Variants in FGF14 observed in about 807,000 individuals in gnomAD.
FGF14 encodes the protein fibroblast growth factor 14, also known as fibroblast growth factor homologous factor 4.
In FGF14, 5 loss-of-function variants were observed where a neutral mutation model predicts 25.5. The observed-to-expected ratio is 0.20, with a 90% CI of 0.10 to 0.41. The LOEUF is 0.41. FGF14 is among the 10% of genes least tolerant of loss of function. The probability of loss-of-function intolerance (pLI) is 1.00; values close to 1 mark genes in which losing one functional copy is unlikely to be tolerated. For missense variants in FGF14, 222 were observed against 320.1 expected (o/e 0.69, Z 2.34); for synonymous variants, 138 against 118.3 (o/e 1.17, Z -1.08).
At chr13:102,215,937 A>G (rs1393857187) in intron 1 of FGF14, among the ~76,000 whole-genome samples, 1 of 152,178 alleles carries the variant, frequency 6.6e-6, no homozygotes, top group African/African-American at 2.4e-5. Flanking sequence ...ATGGAGTGAG[A>G]GAAAGAAAAG....
intron 1 of FGF14, among the ~76,000 whole-genome samples, chr13:102,084,655 A>G (rs1291604023): frequency 6.6e-6 from 1 of 152,130 alleles, no homozygotes; most frequent in Non-Finnish European, 1.5e-5. Flanking sequence ...AAAGGAAGCA[A>G]GTTGTTGAGG....
intron 3 of FGF14, among the ~76,000 whole-genome samples, chr13:101,769,186 C>T (rs997101332): frequency 2.0e-5 from 3 of 152,022 alleles, no homozygotes; most frequent in African/African-American, 7.2e-5. Flanking sequence ...ATACAGATGG[C>T]ACATAAACAT....
chr13:102,351,745 A>C (rs2057286530), intron 1 of FGF14, among the ~76,000 whole-genome samples: 1 of 152,228 alleles, frequency 6.6e-6, no homozygotes, highest in South Asian at 2.1e-4. Flanking sequence ...GAGCATCCTC[A>C]GGATGTGACA....
intron 1 of FGF14, among the ~76,000 whole-genome samples, chr13:102,201,806 T>A (rs747116060): frequency 2.0e-4 from 31 of 152,288 alleles, no homozygotes; most frequent in Middle Eastern, 3.4e-3. Context: ...AAGAATAATG[T>A]TTCCCTATTT....
At chr13:101,765,718 T>TTTATTTATTTATTTATTTA (rs2038347205) in intron 3 of FGF14, among the ~76,000 whole-genome samples, 90 of 143,388 alleles carry the variant, frequency 6.3e-4, no homozygotes, top group African/African-American at 2.3e-3. Flanking sequence ...ATTATTATTA[T>TTTATTTATTTATTTATTTA]TTTATTTATT....
rs767156970 is a variant in FGF14, at chr13:101,910,009, C to T, written c.193+6444G>A. Reference sequence around the variant, plus strand: ...TCACCAGGACAAAAAAACCAAACACCGCACGTTCTCACTCATAGGTGGGAA... The same window carrying T: ...TCACCAGGACAAAAAAACCAAACACTGCACGTTCTCACTCATAGGTGGGAA... On this transcript the variant is annotated intron_variant, in intron 1 of 4. Transcript: ENST00000376143. Among the ~76,000 whole-genome samples, 12 of 151,754 alleles carry T rather than the reference C, an allele frequency of 7.9e-5. No homozygotes were observed. In the East Asian group the frequency reaches 9.7e-4, roughly 12 times the overall value.
intron 1 of FGF14, among the ~76,000 whole-genome samples, chr13:102,325,072 C>A (rs2056379705): frequency 6.6e-6 from 1 of 151,940 alleles, no homozygotes; most frequent in Non-Finnish European, 1.5e-5. Context: ...TCCTTGCAAT[C>A]ATAGCACATC....
chr13:101,907,680 G>C (rs2032411601), intron 1 of FGF14, among the ~76,000 whole-genome samples: 1 of 152,130 alleles, frequency 6.6e-6, no homozygotes, highest in Non-Finnish European at 1.5e-5. Context: ...TCAATAGCTA[G>C]AGAGAAATGC....
At chr13:102,240,589 C>G (rs2051547480) in intron 1 of FGF14, among the ~76,000 whole-genome samples, 2 of 152,162 alleles carry the variant, frequency 1.3e-5, no homozygotes, top group African/African-American at 4.8e-5. Flanking sequence ...GTAAGGACAA[C>G]TACTGCAGTG....
intron 1 of FGF14, among the ~76,000 whole-genome samples, chr13:102,320,263 C>CAAA (rs11312864): frequency 2.8e-4 from 38 of 133,842 alleles, no homozygotes; most frequent in African/African-American, 9.2e-4. Flanking sequence ...TTGAAAACTC[C>CAAA]AAAAAAAAAA....
At chr13:102,116,063 T>C (rs921755406) in intron 1 of FGF14, among the ~76,000 whole-genome samples, 5 of 152,050 alleles carry the variant, frequency 3.3e-5, no homozygotes, top group Non-Finnish European at 7.4e-5. Flanking sequence ...TGAGCCGAGA[T>C]CAAGCCACTA....
chr13:102,094,832 A>T (rs1434513397), intron 1 of FGF14, among the ~76,000 whole-genome samples: 1 of 152,124 alleles, frequency 6.6e-6, no homozygotes. Context: ...TTAATACCGG[A>T]CAATGCTCCG....
intron 1 of FGF14, among the ~76,000 whole-genome samples, chr13:102,060,840 T>C (rs1196124809): frequency 6.6e-6 from 1 of 151,978 alleles, no homozygotes. Context: ...CCAAGACCAC[T>C]CTGGCCCATC....
chr13:102,005,955 ATTGTAC>A (rs750977429), intron 1 of FGF14, among the ~76,000 whole-genome samples: 1 of 152,212 alleles, frequency 6.6e-6, no homozygotes, highest in South Asian at 2.1e-4. Flanking sequence ...GGGTGTTTGT[ATTGTAC>A]TTGTAATAAA....
intron 3 of FGF14, among the ~76,000 whole-genome samples, chr13:101,864,627 T>G (rs1049644041): frequency 1.3e-5 from 2 of 152,126 alleles, no homozygotes; most frequent in Non-Finnish European, 2.9e-5. Flanking sequence ...TGAATTTTCC[T>G]GGTTTATTTT....
chr13:101,819,386 C>T (rs1200287131), intron 3 of FGF14, among the ~76,000 whole-genome samples: 1 of 152,172 alleles, frequency 6.6e-6, no homozygotes, highest in Non-Finnish European at 1.5e-5. Flanking sequence ...TCCAGAGATC[C>T]TGTGATAACC....
chr13:102,039,679 G>A (rs1023125305), intron 1 of FGF14, among the ~76,000 whole-genome samples: 2 of 152,084 alleles, frequency 1.3e-5, no homozygotes, highest in African/African-American at 4.8e-5. Context: ...ATCTTAACTT[G>A]ATTACGTCTG....
At chr13:102,109,224 C>T (rs1042503957) in intron 1 of FGF14, among the ~76,000 whole-genome samples, 1 of 152,108 alleles carries the variant, frequency 6.6e-6, no homozygotes, top group African/African-American at 2.4e-5. Context: ...TCAGGAAAAT[C>T]TCATGGAAGC....
chr13:102,315,382 A>G (rs2055972596), intron 1 of FGF14, among the ~76,000 whole-genome samples: 1 of 152,060 alleles, frequency 6.6e-6, no homozygotes, highest in African/African-American at 2.4e-5. Context: ...CCCTACCTCA[A>G]GTTCAAAAAC....
Sources: gnomAD v4.1 joint callset for allele counts (sites outside exome capture counted in the v4.1 genomes callset) on GRCh38, gnomAD v4.1.1 for gene constraint, MANE v1.5 for transcripts, NCBI Gene and HGNC (gene_info 2026-07-23, HGNC 2026-07-21) for gene names.